The following SETD2 variants were observed in gnomAD, a reference collection of about 807,000 sequenced individuals.
The protein encoded by SETD2 is histone-lysine N-methyltransferase SETD2.
A neutral mutation model predicts 242.1 loss-of-function variants in SETD2; 31 were observed. That is an observed-to-expected ratio of 0.13 (90% CI 0.10 to 0.17). SETD2 has a LOEUF of 0.17. Ranked by LOEUF, SETD2 falls within the 10% of genes least tolerant of loss-of-function variation. The probability of loss-of-function intolerance (pLI) is 1.00; values close to 1 mark genes in which losing one functional copy is unlikely to be tolerated. For synonymous variants in SETD2, 1,006 were observed against 1,066.5 expected (o/e 0.94, Z 1.11); for missense variants, 2,481 against 3,046.3 (o/e 0.81, Z 4.37).
intron 9 of SETD2, 44 bp from the exon 10 acceptor site, chr3:47,088,291 CAA>C (rs748501527): frequency 4.1e-5 from 48 of 1,159,796 alleles, no homozygotes; most frequent in South Asian, 1.3e-4. Context: ...ACAACAACAA[CAA>C]AAAAAAAAAC....
At position 47,057,260 on chromosome 3, in the gene SETD2, G is replaced by A. The variant is rs754860506; in HGVS notation, c.6524C>T (p.Ala2175Val). 1.2e-6 allele frequency: 2 copies of A among 1,614,186 alleles called. No homozygotes were observed. Among genetic ancestry groups the A allele is most frequent in the Non-Finnish European group, 1.7e-6 (2 of 1,180,034 alleles). ...AGYPPGYPMQ[A>V]YVDPSNPNAG... ...ATTAGGGTTGCTGGGATCCACATAGGCCTGCATGGGATAACCTGGTGGGTA... is the reference window on the plus strand; with the variant it reads ...ATTAGGGTTGCTGGGATCCACATAGACCTGCATGGGATAACCTGGTGGGTA... Residue 2175 changes from alanine (A) to valine (V), a missense_variant, in exon 15 of 21, where the codon GCC becomes GTC. Physicochemically the swap from Ala to Val is moderately conservative, Grantham distance 64. Around this residue, in one of 17 missense-constraint regions of SETD2, gnomAD observed 45 missense variants for 62.8 expected, o/e 0.72. Transcript: ENST00000409792.
chr3:47,062,385 T>A (rs771492562), intron 13 of SETD2, 39 bp from the exon 14 acceptor site: 3 of 998,482 alleles, frequency 3.0e-6, no homozygotes, highest in South Asian at 1.6e-5. Context: ...TTTTTTTTTT[T>A]AAGTTTATTT....
chr3:47,041,258 T>C (rs2039264607), intron 17 of SETD2: 1 of 302,756 alleles, frequency 3.3e-6, no homozygotes, highest in South Asian at 2.6e-5. Context: ...TAAGCAAATG[T>C]GCATGGTTGT....
At chr3:47,061,485 A>T (rs919215646) in intron 14 of SETD2, among the ~76,000 whole-genome samples, 1 of 152,158 alleles carries the variant, frequency 6.6e-6, no homozygotes, top group African/African-American at 2.4e-5. Context: ...GTGCTGAGAA[A>T]ACTGGGTAAC....
chr3:47,120,305 A>G lies in SETD2; in HGVS notation c.4331T>C (p.Leu1444Pro). 1 of 1,613,964 alleles carries G rather than the reference A, an allele frequency of 6.2e-7. No homozygotes were observed. Among genetic ancestry groups the G allele is most frequent in the Non-Finnish European group, 8.5e-7 (1 of 1,179,964 alleles). ...ATCCATGACACAGGAGGGCCCAACC[A>G]GTGCTGAACCTGGGGGCACTGATGT... ...GETSVPPGSA[L>P]VGPSCVMDDF... is the part of the protein sequence containing the mutation. The change falls in exon 3 of 21, where the codon CTG becomes CCG. Residue 1444 changes from leucine to proline, a missense_variant. Physicochemically the swap from Leu to Pro is moderately conservative, Grantham distance 98. Coordinates refer to ENST00000409792, the MANE Select transcript of SETD2 (RefSeq NM_014159.7).
chr3:47,019,442 A>T (rs1419192349), intron 19 of SETD2, among the ~76,000 whole-genome samples: 1 of 152,200 alleles, frequency 6.6e-6, no homozygotes, highest in African/African-American at 2.4e-5. Flanking sequence ...AACTAAGTCA[A>T]ATCACAGAAG....
Position 47,121,934 on chromosome 3 carries a change from C to G in SETD2, c.2702G>C (p.Gly901Ala), listed in dbSNP as rs1194240525. Reference sequence around the variant, plus strand: ...ATCCAGAACTGGAGATGTGTTCTCTCCGCATTTCAAGAGAGTTAGACTGTC... The same window carrying G: ...ATCCAGAACTGGAGATGTGTTCTCTGCGCATTTCAAGAGAGTTAGACTGTC... Reference protein sequence around the residue: ...KVDSLTLLKCGENTSPVLDAV... With the variant: ...KVDSLTLLKCAENTSPVLDAV... Residue 901 changes from glycine (G) to alanine (A), a missense_variant, in exon 3 of 21, where the codon GGA becomes GCA. Physicochemically the swap from Gly to Ala is moderately conservative, Grantham distance 60. Around this residue, in one of 17 missense-constraint regions of SETD2, gnomAD observed 1,300 missense variants for 1,259.2 expected, o/e 1.03. Coordinates refer to ENST00000409792, the MANE Select transcript of SETD2 (RefSeq NM_014159.7). 1.2e-6 allele frequency: 2 copies of G among 1,613,882 alleles called. No homozygotes were observed. The highest frequency in any genetic ancestry group is 3.3e-5 in the Admixed American group (2 of 60,004).
At chr3:47,138,767 T>C (rs1056611081) in intron 1 of SETD2, among the ~76,000 whole-genome samples, 47 of 152,172 alleles carry the variant, frequency 3.1e-4, no homozygotes, top group African/African-American at 1.1e-3. Flanking sequence ...GGTTTCACCA[T>C]GTTGGCCAGG....
rs1358400248 is a variant in SETD2 at position 47,083,922 on chromosome 3, T to C, written c.5858A>G (p.Glu1953Gly). 9.3e-6 allele frequency: 15 copies of C among 1,614,062 alleles called. No individual in the cohort carries two copies. The highest frequency in any genetic ancestry group is 1.3e-5 in the African/African-American group (1 of 74,922). Reference protein sequence around the residue: ...NIEASKLPTSEPEADAEIEPK... With the variant: ...NIEASKLPTSGPEADAEIEPK... ...CTCTATTTCAGCGTCAGCTTCTGGT[T>C]CAGATGTAGGTAGCTTACTAGCTTC... is the stretch of plus-strand genomic sequence containing the variant. Residue 1953 changes from glutamate to glycine, a missense_variant, in exon 12 of 21, where the codon GAA becomes GGA. Transcript: ENST00000409792.
chr3:47,149,281 C>CTG (rs1445734627), intron 1 of SETD2, among the ~76,000 whole-genome samples: 2 of 152,132 alleles, frequency 1.3e-5, no homozygotes, highest in Non-Finnish European at 2.9e-5. Context: ...TGAGCACAAC[C>CTG]TGTATGTCTT....
At chr3:47,075,195 C>T (rs947964475) in intron 12 of SETD2, among the ~76,000 whole-genome samples, 1 of 150,898 alleles carries the variant, frequency 6.6e-6, no homozygotes, top group African/African-American at 2.4e-5. Flanking sequence ...GAACAAAACA[C>T]TAAAATGGTT....
intron 6 of SETD2, among the ~76,000 whole-genome samples, chr3:47,105,075 TTAAGTA>T (rs1184592230): frequency 6.6e-6 from 1 of 152,102 alleles, no homozygotes; most frequent in Non-Finnish European, 1.5e-5. Context: ...TTTAATATGA[TTAAGTA>T]TAAGTAATTA....
At chr3:47,035,797 ATAAC>A (rs1559649912) in intron 18 of SETD2, among the ~76,000 whole-genome samples, 2 of 152,224 alleles carry the variant, frequency 1.3e-5, no homozygotes, top group South Asian at 2.1e-4. Context: ...TTCAAAAGAT[ATAAC>A]TAACACAGTA....
At chr3:47,092,131 G>T (rs2107660824) in intron 9 of SETD2, among the ~76,000 whole-genome samples, 1 of 152,208 alleles carries the variant, frequency 6.6e-6, no homozygotes, top group Non-Finnish European at 1.5e-5. Context: ...TAAAAATGCA[G>T]AAACTGCAGT....
At chr3:47,096,348 G>A (rs1445987276) in intron 9 of SETD2, among the ~76,000 whole-genome samples, 2 of 152,160 alleles carry the variant, frequency 1.3e-5, no homozygotes, top group African/African-American at 4.8e-5. Flanking sequence ...AGAATTAAAT[G>A]AGCTAATACA....
rs2106728463 is a variant in SETD2, at chr3:47,124,459, G to A, written c.177C>T (p.Thr59=). 4 of 1,551,754 alleles carry A rather than the reference G, an allele frequency of 2.6e-6. No individual in the cohort carries two copies. Among genetic ancestry groups the A allele is most frequent in the Non-Finnish European group, 3.5e-6 (4 of 1,147,012 alleles). ...VASSRFLPKG[T]KTKVNLEEQG... is the part of the protein sequence containing the mutation. ...GTTCTTCCAAATTAACTTTTGTTTT[G>A]GTGCCTTTGGGCAAAAATCGACTAG... Residue 59 remains threonine, a synonymous_variant, in exon 3 of 21, where the codon ACC becomes ACT. Coordinates refer to ENST00000409792, the MANE Select transcript of SETD2 (RefSeq NM_014159.7).
At chr3:47,142,601 A>G (rs1405193119) in intron 1 of SETD2, among the ~76,000 whole-genome samples, 2 of 152,094 alleles carry the variant, frequency 1.3e-5, no homozygotes, top group African/African-American at 4.8e-5. Flanking sequence ...CAAGAAACAA[A>G]ACAGTAAATT....
rs766455577 is a variant in SETD2, at chr3:47,106,493, T to TAAAAAAAAAA, written c.4716-383_4716-374dup. On this transcript the variant is annotated intron_variant, in intron 5 of 20. Coordinates refer to ENST00000409792, the MANE Select transcript of SETD2 (RefSeq NM_014159.7). ...CTGAAAAGTTAGAGGATTTTTGCTC[T>TAAAAAAAAAA]AAAAAAAAAAAAAAAAAAAAAAAAA... Among the ~76,000 whole-genome samples, 27 of 57,264 alleles carry TAAAAAAAAAA rather than the reference T, an allele frequency of 4.7e-4. 5 individuals carry two copies. Among genetic ancestry groups the TAAAAAAAAAA allele is most frequent in the African/African-American group, 1.6e-3 (24 of 14,920 alleles). 37.6% of individuals were successfully genotyped at this position (57,264 alleles called of 152,430 possible).
intron 13 of SETD2, among the ~76,000 whole-genome samples, chr3:47,066,262 G>A (rs1044601622): frequency 6.6e-6 from 1 of 152,184 alleles, no homozygotes; most frequent in African/African-American, 2.4e-5. Context: ...GGAGTCAAAA[G>A]TTATGTGGAA....
Sources: allele counts gnomAD v4.1 joint callset (sites outside exome capture counted in the v4.1 genomes callset), GRCh38; gene constraint gnomAD v4.1.1; regional missense constraint gnomAD v4.1.1; transcripts MANE v1.5; gene names NCBI Gene and HGNC (gene_info 2026-07-23, HGNC 2026-07-21).